Variants in LPP observed in about 807,000 individuals in gnomAD.
LPP encodes the protein LIM domain containing preferred translocation partner in lipoma, also known as lipoma-preferred partner.
Under a neutral mutation model 60.4 loss-of-function variants are expected in LPP, and 38 were observed. The ratio of observed to expected loss-of-function variants is 0.63; its 90% CI spans 0.49 to 0.83. The LOEUF (loss-of-function observed/expected upper bound fraction) is 0.83, where lower values mean the gene tolerates loss of function less well. Ranked by LOEUF, LPP falls within the 40% of genes least tolerant of loss-of-function variation. LPP has a pLI of 0.00. For missense variants in LPP, 902 were observed against 783.6 expected, an observed-to-expected ratio of 1.15 and a Z score of -1.80; for synonymous variants, 328 against 290.8, an observed-to-expected ratio of 1.13 and a Z score of -1.30.
At chr3:188,855,441 A>G (rs1472113740) in intron 9 of LPP, among the ~76,000 whole-genome samples, 2 of 152,240 alleles carry the variant, frequency 1.3e-5, no homozygotes, top group Non-Finnish European at 2.9e-5. Flanking sequence ...GATAAGCACT[A>G]TGAAGAAAGC....
intron 3 of LPP, among the ~76,000 whole-genome samples, chr3:188,367,338 C>T (rs1227774550): frequency 6.6e-6 from 1 of 152,110 alleles, no homozygotes; most frequent in East Asian, 1.9e-4. Context: ...GTTATGGCTT[C>T]TTCTACATTC....
intron 5 of LPP, among the ~76,000 whole-genome samples, chr3:188,501,340 T>A (rs1226083849): frequency 6.6e-6 from 1 of 152,180 alleles, no homozygotes; most frequent in Non-Finnish European, 1.5e-5. Flanking sequence ...ATTGGCTGGA[T>A]GCAGTGGCTC....
intron 3 of LPP, among the ~76,000 whole-genome samples, chr3:188,345,726 C>G (rs1764165813): frequency 6.6e-6 from 1 of 152,052 alleles, no homozygotes; most frequent in South Asian, 2.1e-4. Flanking sequence ...ATAATCATTG[C>G]CAAAATGAAA....
intron 1 of LPP, among the ~76,000 whole-genome samples, chr3:188,181,291 T>A (rs1724912567): frequency 6.7e-6 from 1 of 149,814 alleles, no homozygotes; most frequent in African/African-American, 2.5e-5. Context: ...AGGCAGAGGT[T>A]GCAGTGAGCT....
intron 3 of LPP, among the ~76,000 whole-genome samples, chr3:188,374,272 G>A (rs1774247927): frequency 6.6e-6 from 1 of 152,052 alleles, no homozygotes; most frequent in South Asian, 2.1e-4. Flanking sequence ...GATGGGGATG[G>A]CATTGAATCT....
At chr3:188,669,344 A>C (rs1440655278) in intron 7 of LPP, among the ~76,000 whole-genome samples, 5 of 152,120 alleles carry the variant, frequency 3.3e-5, no homozygotes, top group Non-Finnish European at 7.4e-5. Flanking sequence ...TGGGAGGTCG[A>C]GGCGGGCGGA....
intron 7 of LPP, among the ~76,000 whole-genome samples, chr3:188,648,416 C>T (rs1851486520): frequency 6.6e-6 from 1 of 152,128 alleles, no homozygotes; most frequent in Admixed American, 6.5e-5. Context: ...CTGCTTAGTG[C>T]TCATAACTGG....
chr3:188,517,730 T>A (rs1817768004), intron 5 of LPP, among the ~76,000 whole-genome samples: 1 of 152,076 alleles, frequency 6.6e-6, no homozygotes, highest in African/African-American at 2.4e-5. Flanking sequence ...TCAGATCTCG[T>A]GAAACTTTTT....
At chr3:188,155,355 C>T (rs1316915078) in intron 1 of LPP, among the ~76,000 whole-genome samples, 1 of 152,154 alleles carries the variant, frequency 6.6e-6, no homozygotes, top group Non-Finnish European at 1.5e-5. Flanking sequence ...TTTCTCTTTC[C>T]ATTCCTTCCC....
intron 1 of LPP, among the ~76,000 whole-genome samples, chr3:188,190,945 G>A (rs3864104): frequency 0.17 from 26,292 of 152,198 alleles, 3,531 homozygotes; most frequent in East Asian, 0.63. Flanking sequence ...TAAAACTCTG[G>A]TTGGGGCCAG....
At chr3:188,176,302 T>G (rs1439506342) in intron 1 of LPP, among the ~76,000 whole-genome samples, 2 of 152,130 alleles carry the variant, frequency 1.3e-5, no homozygotes, top group African/African-American at 2.4e-5. Flanking sequence ...TTTCTTGCTT[T>G]CTTTCTTTTG....
chr3:188,222,440 G>A (rs2149295755), intron 1 of LPP, among the ~76,000 whole-genome samples: 1 of 152,250 alleles, frequency 6.6e-6, no homozygotes, highest in South Asian at 2.1e-4. Flanking sequence ...TGGGATCCCA[G>A]GAAATGGTTG....
intron 4 of LPP, among the ~76,000 whole-genome samples, chr3:188,439,316 C>A (rs2149239732): frequency 6.6e-6 from 1 of 152,290 alleles, no homozygotes; most frequent in Non-Finnish European, 1.5e-5. Flanking sequence ...CCAACCAGTC[C>A]CCATGTACAA....
At position 188,352,660 on chromosome 3, in the gene LPP, G is replaced by T. The variant is rs765588576; in HGVS notation, c.-10+10941G>T. Among the ~76,000 whole-genome samples, 1 of 151,704 alleles carries T rather than the reference G, an allele frequency of 6.6e-6. No homozygotes were observed. Among genetic ancestry groups the T allele is most frequent in the South Asian group, 2.1e-4 (1 of 4,792 alleles). On this transcript the variant is annotated intron_variant, in intron 3 of 11. Coordinates refer to ENST00000617246, the MANE Select transcript of LPP (RefSeq NM_001375462.1). This position sits in a 1 kb window ranked among gnomAD's most constrained non-coding sequence, Gnocchi z 4.4. ...ACAGAGTGCATAGAGAGAAGGCTGGGAGAGGAGGTCAGGTCTTGTTTCCCT... is the reference window on the plus strand; with the variant it reads ...ACAGAGTGCATAGAGAGAAGGCTGGTAGAGGAGGTCAGGTCTTGTTTCCCT...
chr3:188,529,088 A>G (rs1560524933), intron 6 of LPP, among the ~76,000 whole-genome samples: 2 of 152,200 alleles, frequency 1.3e-5, no homozygotes, highest in Non-Finnish European at 2.9e-5. Flanking sequence ...TAATTGGGAG[A>G]TATATCTCAT....
intron 2 of LPP, among the ~76,000 whole-genome samples, chr3:188,233,016 C>G (rs1425122433): frequency 6.6e-6 from 1 of 152,134 alleles, no homozygotes; most frequent in African/African-American, 2.4e-5. Flanking sequence ...ACCCTTAGTT[C>G]TTTTCTTTGT....
rs1769961790 is a variant in LPP, at chr3:188,881,142, A to AAAAAAAAAAAAAAAAAAAAAAAAAAT, written c.*6679_*6680insAAAAAAAAATAAAAAAAAAAAAAAAA. 6.5e-6 allele frequency: 1 copy of AAAAAAAAAAAAAAAAAAAAAAAAAAT among 154,002 alleles called. No individual in the cohort carries two copies. Among genetic ancestry groups the AAAAAAAAAAAAAAAAAAAAAAAAAAT allele is most frequent in the Non-Finnish European group, 1.4e-5 (1 of 70,434 alleles). The allele number at this position is 154,002 out of a possible 1,614,324, so 9.5% of individuals were successfully genotyped here. A position where few individuals can be genotyped will look rare whatever the true frequency, so the allele number is the denominator to read the frequency against. On this transcript the variant is annotated 3_prime_UTR_variant, in exon 12 of 12. Transcript: ENST00000617246. The stretch of plus-strand genomic sequence containing the variant: ...GCGAAAGAGCGAGACTCCGTCTCAA[A>AAAAAAAAAAAAAAAAAAAAAAAAAAT]AAAAAAAAAAAAAAAATAGGATCAT...
At chr3:188,747,891 T>G (rs1291257889) in intron 8 of LPP, among the ~76,000 whole-genome samples, 1 of 152,206 alleles carries the variant, frequency 6.6e-6, no homozygotes, top group East Asian at 1.9e-4. Context: ...CTCATGGGTC[T>G]CCCTCTGAGC....
intron 6 of LPP, among the ~76,000 whole-genome samples, chr3:188,537,875 T>A (rs949879709): frequency 5.3e-5 from 8 of 152,110 alleles, no homozygotes; most frequent in African/African-American, 1.7e-4. Context: ...TCAAGCAGTG[T>A]GATATTGGCC....
Sources: gnomAD v4.1 joint callset for allele counts (sites outside exome capture counted in the v4.1 genomes callset) on GRCh38, gnomAD v4.1.1 for gene constraint, Gnocchi (gnomAD v3.1) non-coding constraint, MANE v1.5 for transcripts, NCBI Gene and HGNC (gene_info 2026-07-23, HGNC 2026-07-21) for gene names.